The following KHDC1 variants were observed in gnomAD, a reference collection of about 807,000 sequenced individuals.
KHDC1 encodes KH domain containing 1.
A neutral mutation model predicts 24.7 loss-of-function variants in KHDC1; 21 were observed. That is an observed-to-expected ratio of 0.85 (90% confidence interval 0.60 to 1.23). KHDC1 has a LOEUF of 1.23. Among genes scored for constraint, KHDC1 ranks in the 50% most tolerant of loss-of-function variants. KHDC1 has a pLI of 0.00. For missense variants in KHDC1, 274 were observed against 298.5 expected (o/e 0.92, Z 0.61); for synonymous variants, 98 against 111.7 (o/e 0.88, Z 0.77).
intron 2 of KHDC1, among the ~76,000 whole-genome samples, chr6:73,288,580 C>T (rs2150711473): frequency 6.6e-6 from 1 of 152,154 alleles, no homozygotes; most frequent in Non-Finnish European, 1.5e-5. Context: ...GAGATCATGC[C>T]ACTGCACTCC....
At chr6:73,244,969 C>T (rs938860982) in intron 2 of KHDC1, among the ~76,000 whole-genome samples, 6 of 151,898 alleles carry the variant, frequency 4.0e-5, no homozygotes, top group Non-Finnish European at 7.4e-5. Flanking sequence ...CTATAGTCTG[C>T]GAAAAAAGCA....
chr6:73,241,484 G>C (rs1766564284), exon 5 of KHDC1: 1 of 1,586,184 alleles, frequency 6.3e-7, no homozygotes, highest in Admixed American at 1.7e-5. Flanking sequence ...GTGAAGCCAA[G>C]ATTTCTCCTC....
chr6:73,284,708 G>C (rs892563396), intron 2 of KHDC1: 1 of 152,144 alleles, frequency 6.6e-6, no homozygotes, highest in Non-Finnish European at 1.5e-5. Flanking sequence ...ATTGATAGCA[G>C]CCTCACCTGC....
intron 2 of KHDC1, among the ~76,000 whole-genome samples, chr6:73,249,059 G>A (rs1279153737): frequency 1.3e-5 from 2 of 151,962 alleles, no homozygotes; most frequent in Non-Finnish European, 2.9e-5. Flanking sequence ...AGTTAGCTTT[G>A]TGTACATGTT....
Position 73,298,423 on chromosome 6 carries a change from A to T in KHDC1, c.164-6383T>A, listed in dbSNP as rs1196905367. Among the ~76,000 whole-genome samples, 447 of 59,988 alleles carry T rather than the reference A, an allele frequency of 7.5e-3. 10 individuals carry two copies. Among genetic ancestry groups the T allele is most frequent in the Non-Finnish European group, 7.7e-3 (278 of 35,912 alleles). The allele number at this position is 59,988 out of a possible 152,430, so 39.4% of individuals were successfully genotyped here. A position where few individuals can be genotyped will look rare whatever the true frequency, so the allele number is the denominator to read the frequency against. On this transcript the variant is annotated intron_variant, in intron 1 of 4. Coordinates refer to ENST00000370384, the Ensembl canonical transcript of KHDC1. The stretch of plus-strand genomic sequence containing the variant: ...CCTGGAAGGACTCTATACTTTGCAA[A>T]TTTTTTTTTTTTTTTTTTTTTTTTT...
intron 2 of KHDC1, among the ~76,000 whole-genome samples, chr6:73,267,849 T>C (rs1767101193): frequency 6.6e-6 from 1 of 151,988 alleles, no homozygotes; most frequent in Non-Finnish European, 1.5e-5. Context: ...CCTTTTTTTT[T>C]TTCTGAGATG....
chr6:73,259,780 G>A (rs968963368), intron 2 of KHDC1, among the ~76,000 whole-genome samples: 5 of 152,290 alleles, frequency 3.3e-5, no homozygotes, highest in African/African-American at 9.6e-5. Flanking sequence ...AATCTCTTTT[G>A]TAATTGAATC....
At chr6:73,250,868 C>A (rs902550198) in intron 2 of KHDC1, among the ~76,000 whole-genome samples, 1 of 152,156 alleles carries the variant, frequency 6.6e-6, no homozygotes, top group Non-Finnish European at 1.5e-5. Flanking sequence ...GAAATCGAGT[C>A]TCGCTCTGTT....
At chr6:73,247,433 C>G (rs1243109689) in intron 2 of KHDC1, among the ~76,000 whole-genome samples, 1 of 152,248 alleles carries the variant, frequency 6.6e-6, no homozygotes, top group Non-Finnish European at 1.5e-5. Context: ...CAGTGCCTTT[C>G]CACCTCTTCC....
intron 1 of KHDC1, among the ~76,000 whole-genome samples, chr6:73,298,187 C>A (rs1767794390): frequency 6.6e-6 from 1 of 151,906 alleles, no homozygotes; most frequent in African/African-American, 2.4e-5. Context: ...TCAAGGCAAT[C>A]ATTCCTAGGG....
chr6:73,277,838 A>AT lies in KHDC1; in HGVS notation c.206+14159_206+14160insA, dbSNP rs1296571225. Among the ~76,000 whole-genome samples, 5 of 149,074 alleles carry AT rather than the reference A, an allele frequency of 3.4e-5. No individual in the cohort carries two copies. The East Asian group carries it at 9.8e-4, about 29-fold the overall frequency. ...ATGATCACACCAGCCACTGTGCTAT[A>AT]GTCTGTATGATGGAGATCGTGTCTC... On this transcript the variant is annotated intron_variant, in intron 2 of 4. Transcript: ENST00000370384.
intron 2 of KHDC1, among the ~76,000 whole-genome samples, chr6:73,270,994 G>C (rs1169003855): frequency 2.0e-5 from 3 of 151,610 alleles, no homozygotes; most frequent in Non-Finnish European, 2.9e-5. Context: ...CCGGCCTGTT[G>C]CTCTTTTTCT....
At chr6:73,251,016 GT>G (rs1436532567) in intron 2 of KHDC1, among the ~76,000 whole-genome samples, 1 of 151,982 alleles carries the variant, frequency 6.6e-6, no homozygotes, top group East Asian at 1.9e-4. Context: ...GTAGAGACAG[GT>G]TTTGCTATGT....
At chr6:73,309,069 C>T (rs936128321) in intron 1 of KHDC1, among the ~76,000 whole-genome samples, 2 of 152,208 alleles carry the variant, frequency 1.3e-5, no homozygotes. Context: ...AAGTGATGGG[C>T]CTTGGCCTCC....
exon 1 of KHDC1, chr6:73,309,784 A>G: frequency 1.3e-6 from 2 of 1,505,650 alleles, no homozygotes; most frequent in Non-Finnish European, 1.8e-6. Context: ...CCGCCACCGC[A>G]GAGCCCGCCG....
At chr6:73,271,224 G>A (rs931475822) in intron 2 of KHDC1, among the ~76,000 whole-genome samples, 2 of 150,706 alleles carry the variant, frequency 1.3e-5, no homozygotes, top group African/African-American at 2.4e-5. Context: ...TTGTTGTTGG[G>A]GGGGACAGAA....
chr6:73,252,972 G>C (rs1008157717), intron 2 of KHDC1, among the ~76,000 whole-genome samples: 2 of 152,004 alleles, frequency 1.3e-5, no homozygotes, highest in African/African-American at 4.8e-5. Context: ...CATCCTTTTG[G>C]TTTTTTAAAC....
chr6:73,288,775 ACAACATAG>A (rs1311533625), intron 2 of KHDC1, among the ~76,000 whole-genome samples: 1 of 148,524 alleles, frequency 6.7e-6, no homozygotes, highest in Non-Finnish European at 1.5e-5. Flanking sequence ...ACCAGCCTGA[ACAACATAG>A]TATAGTAAGA....
chr6:73,263,076 G>GGCAGCGGCT (rs1767014031), intron 2 of KHDC1: 15 of 673,068 alleles, frequency 2.2e-5, no homozygotes, highest in Non-Finnish European at 2.8e-5. Context: ...CGGCAGCGGC[G>GGCAGCGGCT]GCAGCGGCTG....
Sources: gnomAD v4.1 joint callset for allele counts (sites outside exome capture counted in the v4.1 genomes callset) on GRCh38, gnomAD v4.1.1 for gene constraint, MANE v1.5 for transcripts, NCBI Gene and HGNC (gene_info 2026-07-23, HGNC 2026-07-21) for gene names.